Variants in LARP1B observed in about 807,000 individuals in gnomAD.
The protein encoded by LARP1B is la-related protein 1B.
LARP1B carries 76 observed loss-of-function variants against 114.2 expected under a neutral mutation model. The ratio of observed to expected loss-of-function variants is 0.67; its 90% CI spans 0.55 to 0.81. The LOEUF (loss-of-function observed/expected upper bound fraction) is 0.81. Ranked by LOEUF, LARP1B falls within the 30% of genes least tolerant of loss-of-function variation. LARP1B has a pLI of 0.00. For synonymous variants in LARP1B, 345 were observed against 348.0 expected (o/e 0.99, Z 0.10); for missense variants, 1,014 against 1,075.8 (o/e 0.94, Z 0.80).
chr4:128,157,581 A>G (rs1487230250), intron 11 of LARP1B, among the ~76,000 whole-genome samples: 1 of 152,180 alleles, frequency 6.6e-6, no homozygotes, highest in East Asian at 1.9e-4. Context: ...AGCTGGATAA[A>G]AAGGACAGAT....
Position 128,082,324 on chromosome 4 carries a change from A to G in LARP1B, c.358+19A>G, listed in dbSNP as rs1417704755. 3.7e-6 allele frequency: 6 copies of G among 1,607,442 alleles called. No individual in the cohort carries two copies. Among genetic ancestry groups the G allele is most frequent in the Non-Finnish European group, 5.1e-6 (6 of 1,174,298 alleles). ...ACACGAAGTAAGTTACCATTCTAAGACAAAAATGACTAAGGAAAGACTTAG... is the reference window on the plus strand; with the variant it reads ...ACACGAAGTAAGTTACCATTCTAAGGCAAAAATGACTAAGGAAAGACTTAG... On this transcript the variant is annotated intron_variant, in intron 5 of 19. Transcript: ENST00000326639.
chr4:128,210,172 C>A lies in LARP1B; in HGVS notation c.*119C>A. ...ACATCAGTATTTATTTGGGGAAAATCTTCTGGTGTTTAATTGTGATAATAA... is the reference window on the plus strand; with the variant it reads ...ACATCAGTATTTATTTGGGGAAAATATTCTGGTGTTTAATTGTGATAATAA... On this transcript the variant is annotated 3_prime_UTR_variant, in exon 20 of 20. Coordinates refer to ENST00000326639, the MANE Select transcript of LARP1B (RefSeq NM_018078.4). 5 of 1,512,598 alleles carry A rather than the reference C, an allele frequency of 3.3e-6. No homozygotes were observed. The highest frequency in any genetic ancestry group is 1.4e-5 in the African/African-American group (1 of 71,916). 93.7% of individuals were successfully genotyped at this position (1,512,598 alleles called of 1,614,324 possible). A position where few individuals can be genotyped will look rare whatever the true frequency, so the allele number is the denominator to read the frequency against.
At chr4:128,073,718 G>A (rs1458683363) in intron 1 of LARP1B, among the ~76,000 whole-genome samples, 1 of 148,974 alleles carries the variant, frequency 6.7e-6, no homozygotes, top group Non-Finnish European at 1.5e-5. Flanking sequence ...AGCCTTCTGA[G>A]TAGCTGGGAC....
In LARP1B at chr4:128,074,440, A is replaced by G. The variant is rs1486036550; in HGVS notation, c.-77-20A>G. 9.6e-6 allele frequency: 6 copies of G among 623,956 alleles called. No individual in the cohort carries two copies. The highest frequency in any genetic ancestry group is 8.7e-4 in the Middle Eastern group (1 of 1,154). 38.7% of individuals were successfully genotyped at this position (623,956 alleles called of 1,614,324 possible). On this transcript the variant is annotated intron_variant, in intron 1 of 19. Coordinates refer to ENST00000326639, the MANE Select transcript of LARP1B (RefSeq NM_018078.4). ...ATTGAATGAAGTAGTTGTAAAAACA[A>G]TTCTATATATTTTCTTTAGAATTCG...
Position 128,122,027 on chromosome 4 carries a change from C to A in LARP1B, c.1363C>A (p.Pro455Thr), listed in dbSNP as rs772965416. 2.5e-6 allele frequency: 4 copies of A among 1,613,712 alleles called. No homozygotes were observed. The South Asian group carries it at 4.4e-5, about 18-fold the overall frequency. ...LNKILIVTQT[P>T]PYVKKHPGGD... ...CAAGATTTTGATTGTAACTCAGACA[C>A]CACCTTATGTGAAAAAACATCCTGG... The change falls in exon 11 of 20, where the codon CCA becomes ACA. Residue 455 changes from proline to threonine, a missense_variant. By Grantham distance (38) the Pro-to-Thr change is conservative. Transcript: ENST00000326639.
intron 11 of LARP1B, chr4:128,123,231 C>CTA: frequency 1.0e-6 from 1 of 985,402 alleles, no homozygotes; most frequent in Non-Finnish European, 1.2e-6. Flanking sequence ...CTGCCTCAGG[C>CTA]TATGATAGCT....
intron 11 of LARP1B, among the ~76,000 whole-genome samples, chr4:128,126,812 G>A (rs201845313): frequency 0.013 from 420 of 32,332 alleles, 4 homozygotes; most frequent in African/African-American, 0.027. Flanking sequence ...ATTTGTTTTT[G>A]TTTTTTTTTT....
chr4:128,176,980 G>C (rs1746517071), intron 13 of LARP1B, 73 bp downstream of exon 13: 1 of 1,280,556 alleles, frequency 7.8e-7, no homozygotes, highest in Non-Finnish European at 1.1e-6. Flanking sequence ...ATGCAGGAAA[G>C]GGACTTTCAG....
intron 4 of LARP1B, among the ~76,000 whole-genome samples, chr4:128,081,397 T>G (rs1331288183): frequency 6.7e-6 from 1 of 148,730 alleles, no homozygotes; most frequent in Non-Finnish European, 1.5e-5. Context: ...TTTTTTTTTT[T>G]TGAGATATAG....
In LARP1B at chr4:128,143,273, G is replaced by A. The variant is rs147328666; in HGVS notation, c.1525-18921G>A. Among the ~76,000 whole-genome samples, 613 of 151,936 alleles carry A rather than the reference G, an allele frequency of 4.0e-3. 4 individuals carry two copies. The highest frequency in any genetic ancestry group is 0.011 in the African/African-American group (456 of 41,462). ...GCACTCCGTGACAGAGCAAGACTCC[G>A]TTTCAAAAAAAAGAGACCTGATTTC... On this transcript the variant is annotated intron_variant, in intron 11 of 19. Coordinates refer to ENST00000326639, the MANE Select transcript of LARP1B (RefSeq NM_018078.4).
Position 128,211,327 on chromosome 4 carries a change from A to C in LARP1B, c.*1274A>C, listed in dbSNP as rs1267760853. 9 of 969,144 alleles carry C rather than the reference A, an allele frequency of 9.3e-6. No homozygotes were observed. Among genetic ancestry groups the C allele is most frequent in the Non-Finnish European group, 1.1e-5 (9 of 815,140 alleles). The allele number at this position is 969,144 out of a possible 1,614,324, so 60.0% of individuals were successfully genotyped here. On this transcript the variant is annotated 3_prime_UTR_variant, in exon 20 of 20. Transcript: ENST00000326639. ...CAAAAGCAAGTGGTTTCCATATGCT[A>C]AATTAATTGTATTTTCTTTTTGAGC...
At chr4:128,177,743 T>C (rs1463278464) in intron 13 of LARP1B, among the ~76,000 whole-genome samples, 1 of 152,132 alleles carries the variant, frequency 6.6e-6, no homozygotes, top group African/African-American at 2.4e-5. Flanking sequence ...GAAATCATTA[T>C]GGAAAGTGGT....
chr4:128,098,385 C>A, intron 8 of LARP1B, 55 bp downstream of exon 8: 1 of 1,466,450 alleles, frequency 6.8e-7, no homozygotes, highest in Non-Finnish European at 9.4e-7. Flanking sequence ...TCCTTTGTAC[C>A]TAAAACTTCT....
intron 10 of LARP1B, among the ~76,000 whole-genome samples, chr4:128,117,197 C>T (rs184506752): frequency 4.1e-4 from 61 of 150,116 alleles, no homozygotes; most frequent in African/African-American, 1.4e-3. Flanking sequence ...CTGCCATGCC[C>T]GGCCTGAGAT....
intron 11 of LARP1B, among the ~76,000 whole-genome samples, chr4:128,139,040 G>A (rs1014609386): frequency 1.3e-5 from 2 of 152,056 alleles, no homozygotes; most frequent in Admixed American, 1.3e-4. Context: ...ACCAAGTTGT[G>A]TTCATTTCAA....
Position 128,098,245 on chromosome 4 carries a change from A to G in LARP1B, c.728A>G (p.Asp243Gly), listed in dbSNP as rs758208025. The G allele has an allele frequency of 6.2e-7, 1 of 1,613,668 alleles. No individual in the cohort carries two copies. Residue 243 changes from aspartate to glycine, a missense_variant, in exon 8 of 20, where the codon GAT becomes GGT. By Grantham distance (94) the Asp-to-Gly change is moderately conservative. Transcript: ENST00000326639. Reference protein sequence around the residue: ...ERDFFLRGKMDEQGFLPISLI... With the variant: ...ERDFFLRGKMGEQGFLPISLI... ...GACTTCTTTCTTCGGGGAAAGATGG[A>G]TGAACAAGGTTTCTTGCCTATTTCC...
rs1413114426 is a variant in LARP1B at position 128,194,876 on chromosome 4, AAAG to A, written c.2004-4562_2004-4560del. Reference sequence around the variant, plus strand: ...AGTGAGACTCCATCGCAAAAAAAAAAAAGTTTTCTTTTTTTCTGCTGAAATTCT... The same window carrying A: ...AGTGAGACTCCATCGCAAAAAAAAAATTTTCTTTTTTTCTGCTGAAATTCT... On this transcript the variant is annotated intron_variant, in intron 15 of 19. Transcript: ENST00000326639. 6.4e-4 allele frequency among the ~76,000 whole-genome samples: 97 copies of A among 151,910 alleles called. 1 individual carries two copies. Among genetic ancestry groups the A allele is most frequent in the African/African-American group, 2.3e-3 (94 of 41,448 alleles).
Position 128,087,196 on chromosome 4 carries a change from C to T in LARP1B, c.359-3805C>T, listed in dbSNP as rs189033426. Among the ~76,000 whole-genome samples, 239 of 152,214 alleles carry T rather than the reference C, an allele frequency of 1.6e-3. 2 individuals are homozygous for T. The highest frequency in any genetic ancestry group is 5.2e-3 in the African/African-American group (218 of 41,542). On this transcript the variant is annotated intron_variant, in intron 5 of 19. Transcript: ENST00000326639. ...TTGGCCTCCCAAAGTGCTAGGATTA[C>T]AGGTGCGATCCACCGCATCCGGCCC...
rs1463008590 is a variant in LARP1B at position 128,209,266 on chromosome 4, A to G, written c.2548-590A>G. ...AAACCCCGTCTCTACTAAAAATACG[A>G]AAAAATTAACTGGGTGTGGTGGCTT... On this transcript the variant is annotated intron_variant, in intron 19 of 19. Coordinates refer to ENST00000326639, the MANE Select transcript of LARP1B (RefSeq NM_018078.4). Among the ~76,000 whole-genome samples the G allele has an allele frequency of 2.6e-5, 4 of 152,094 alleles. No homozygotes were observed. In the East Asian group the frequency reaches 7.7e-4, roughly 29 times the overall value.
Sources: allele counts gnomAD v4.1 joint callset (sites outside exome capture counted in the v4.1 genomes callset), GRCh38; gene constraint gnomAD v4.1.1; transcripts MANE v1.5; gene names NCBI Gene and HGNC (gene_info 2026-07-23, HGNC 2026-07-21).